HP1BP3: variants seen among roughly 807,000 people sequenced by gnomAD.
HP1BP3 encodes heterochromatin protein 1 binding protein 3, also known as heterochromatin protein 1-binding protein 3.
HP1BP3 carries 12 observed loss-of-function variants against 62.5 expected under a neutral mutation model. That is an observed-to-expected ratio of 0.19 (90% CI 0.12 to 0.31). The LOEUF is 0.31. Ranked by LOEUF, HP1BP3 falls within the 10% of genes least tolerant of loss-of-function variation. The pLI is 1.00. For missense variants in HP1BP3, 502 were observed against 651.8 expected, an observed-to-expected ratio of 0.77 and a Z score of 2.50; for synonymous variants, 260 against 237.8, an observed-to-expected ratio of 1.09 and a Z score of -0.86.
chr1:20,782,902 A>G (rs938733747), intron 1 of HP1BP3, among the ~76,000 whole-genome samples: 70 of 111,124 alleles, frequency 6.3e-4, no homozygotes, highest in Non-Finnish European at 1.3e-4. Flanking sequence ...TCCTTCTCAA[A>G]AAAAAGAAAA....
At position 20,768,201 on chromosome 1, in the gene HP1BP3, C is replaced by T. The variant is rs185983937; in HGVS notation, c.655-537G>A. 7.9e-5 allele frequency among the ~76,000 whole-genome samples: 12 copies of T among 152,250 alleles called. No homozygotes were observed. The East Asian group carries it at 2.1e-3, about 27-fold the overall frequency. ...GTGGCTCATGCCTGTAATCCCAGCACTTTGGGAGGCCGAGGCGGGCGAATC... is the reference window on the plus strand; with the variant it reads ...GTGGCTCATGCCTGTAATCCCAGCATTTTGGGAGGCCGAGGCGGGCGAATC... On this transcript the variant is annotated intron_variant, in intron 6 of 12. Coordinates refer to ENST00000438032, the MANE Select transcript of HP1BP3 (RefSeq NM_001372052.1).
intron 11 of HP1BP3, among the ~76,000 whole-genome samples, chr1:20,746,269 G>C (rs905902483): frequency 6.7e-6 from 1 of 150,372 alleles, no homozygotes; most frequent in African/African-American, 2.5e-5. Context: ...ATGCTGCCCA[G>C]GCTGGAATCA....
chr1:20,749,598 A>T, intron 10 of HP1BP3, 125 bp downstream of exon 10: 1 of 864,760 alleles, frequency 1.2e-6, no homozygotes, highest in Non-Finnish European at 1.8e-6. Context: ...CGACCTCGTG[A>T]TCCACCCGCC....
chr1:20,773,547 G>C lies in HP1BP3; in HGVS notation c.414C>G (p.Thr138=), dbSNP rs1289619028. The C allele has an allele frequency of 6.2e-7, 1 of 1,611,744 alleles. No individual in the cohort carries two copies. The change falls in exon 5 of 13, where the codon ACC becomes ACG. Residue 138 remains threonine, a synonymous_variant. Coordinates refer to ENST00000438032, the MANE Select transcript of HP1BP3 (RefSeq NM_001372052.1). ...CCCTGGCTAGCTGGCTGGCAGAAAG[G>C]GTAGCCCAGGAAGGAATTGTTTTTT... is the stretch of plus-strand genomic sequence containing the variant. ...KVKKTIPSWA[T]LSASQLARAQ...
intron 1 of HP1BP3, chr1:20,786,730 T>G (rs906791089): frequency 6.6e-6 from 1 of 152,070 alleles, no homozygotes; most frequent in Non-Finnish European, 1.5e-5. Context: ...GCCGCCGGCA[T>G]CTTTCGAACC....
intron 8 of HP1BP3, among the ~76,000 whole-genome samples, chr1:20,764,252 TTA>T (rs1246954164): frequency 6.6e-6 from 1 of 152,218 alleles, no homozygotes; most frequent in East Asian, 1.9e-4. Context: ...AAAATGAACT[TTA>T]TGTATTACTT....
chr1:20,745,308 G>A (rs2055244048), intron 12 of HP1BP3, among the ~76,000 whole-genome samples: 1 of 152,140 alleles, frequency 6.6e-6, no homozygotes, highest in Non-Finnish European at 1.5e-5. Flanking sequence ...TGTTCCTAGG[G>A]AAATATGTAA....
chr1:20,782,378 G>C (rs1324293712), intron 1 of HP1BP3, among the ~76,000 whole-genome samples: 1 of 151,664 alleles, frequency 6.6e-6, no homozygotes, highest in Non-Finnish European at 1.5e-5. Flanking sequence ...GAGCCCAGGA[G>C]TTCAAGACCA....
chr1:20,776,916 TG>T (rs1557671085), intron 3 of HP1BP3, among the ~76,000 whole-genome samples, 166 bp from the exon 4 acceptor site: 1 of 152,244 alleles, frequency 6.6e-6, no homozygotes, highest in East Asian at 1.9e-4. Context: ...ACATTCTTTA[TG>T]TCACTCAAGT....
At chr1:20,761,843 G>A (rs2056502854) in intron 8 of HP1BP3, among the ~76,000 whole-genome samples, 1 of 152,178 alleles carries the variant, frequency 6.6e-6, no homozygotes, top group Non-Finnish European at 1.5e-5. Flanking sequence ...GGAAAGTGTG[G>A]TGTCCTGGAA....
Position 20,761,038 on chromosome 1 carries a change from ATATTT to A in HP1BP3, c.891-3787_891-3783del, listed in dbSNP as rs540927128. 3.0e-3 allele frequency among the ~76,000 whole-genome samples: 462 copies of A among 151,950 alleles called. 2 individuals are homozygous for A. The highest frequency in any genetic ancestry group is 5.3e-3 in the Non-Finnish European group (362 of 67,940). On this transcript the variant is annotated intron_variant, in intron 8 of 12. Transcript: ENST00000438032. ...GATGACAAGTAGTCTGTTTACTGAT[ATATTT>A]TATTTTATTTATTTATTTGGAGACG...
At chr1:20,753,705 C>G (rs1303677895) in intron 9 of HP1BP3, among the ~76,000 whole-genome samples, 1 of 152,180 alleles carries the variant, frequency 6.6e-6, no homozygotes, top group Non-Finnish European at 1.5e-5. Flanking sequence ...GGCAACTAAA[C>G]TTTAAAGAAT....
chr1:20,775,216 C>T (rs558065745), intron 4 of HP1BP3, among the ~76,000 whole-genome samples: 6 of 152,206 alleles, frequency 3.9e-5, no homozygotes, highest in African/African-American at 1.2e-4. Context: ...TGTGTTGCTG[C>T]CCCTGAAGGC....
At chr1:20,775,207 GTGT>G (rs1302225467) in intron 4 of HP1BP3, among the ~76,000 whole-genome samples, 1 of 152,144 alleles carries the variant, frequency 6.6e-6, no homozygotes, top group Non-Finnish European at 1.5e-5. Flanking sequence ...AGGTCCATGT[GTGT>G]TGCTGCCCCT....
In HP1BP3 at chr1:20,786,914, C is replaced by A. The variant is rs945675045; in HGVS notation, c.-101+281G>T. Reference sequence around the variant, plus strand: ...CCAGAGAAGAGCTCCCCCTCCTCCCCCAAATCCAAACAAAACAAGGGCGGG... The same window carrying A: ...CCAGAGAAGAGCTCCCCCTCCTCCCACAAATCCAAACAAAACAAGGGCGGG... On this transcript the variant is annotated intron_variant, in intron 1 of 12. Transcript: ENST00000438032. Among the ~76,000 whole-genome samples, 4 of 152,080 alleles carry A rather than the reference C, an allele frequency of 2.6e-5. No individual in the cohort carries two copies. In the South Asian group the frequency reaches 6.2e-4, roughly 24 times the overall value.
rs1028513399 is a variant in HP1BP3, at chr1:20,754,465, T to C, written c.981+2701A>G. 3.3e-5 allele frequency among the ~76,000 whole-genome samples: 5 copies of C among 151,520 alleles called. No homozygotes were observed. In the South Asian group the frequency reaches 8.3e-4, roughly 25 times the overall value. ...ATTCCTACCAAAACTCCAGCTGTTTTTTTGGTTTTTTTTTTTTGGCAGAAA... is the reference window on the plus strand; with the variant it reads ...ATTCCTACCAAAACTCCAGCTGTTTCTTTGGTTTTTTTTTTTTGGCAGAAA... On this transcript the variant is annotated intron_variant, in intron 9 of 12. Coordinates refer to ENST00000438032, the MANE Select transcript of HP1BP3 (RefSeq NM_001372052.1).
At chr1:20,747,792 T>C in intron 10 of HP1BP3, 137 bp from the exon 11 acceptor site, 1 of 611,160 alleles carries the variant, frequency 1.6e-6, no homozygotes, top group South Asian at 2.0e-5. Flanking sequence ...TCCTATGTGT[T>C]CAAAGGTATT....
rs1046516714 is a variant in HP1BP3 at position 20,742,379 on chromosome 1, T to C, written c.*2418A>G. On this transcript the variant is annotated 3_prime_UTR_variant, in exon 13 of 13. Transcript: ENST00000438032. ...TAATTTTTTCTAGTCCAAGGACTTA[T>C]CTGAATATTGAACATTTATTGAACA... Among the ~76,000 whole-genome samples, 8 of 152,220 alleles carry C rather than the reference T, an allele frequency of 5.3e-5. No homozygotes were observed. The highest frequency in any genetic ancestry group is 1.3e-4 in the Admixed American group (2 of 15,290).
chr1:20,775,982 G>C (rs1172949552), intron 4 of HP1BP3: 7 of 1,460,750 alleles, frequency 4.8e-6, no homozygotes, highest in Non-Finnish European at 6.4e-6. Context: ...TATGAAAAGA[G>C]TGGAATGAAT....
Sources: allele counts gnomAD v4.1 joint callset (sites outside exome capture counted in the v4.1 genomes callset), GRCh38; gene constraint gnomAD v4.1.1; transcripts MANE v1.5; gene names NCBI Gene and HGNC (gene_info 2026-07-23, HGNC 2026-07-21).